The following ZNF157 variants were observed in gnomAD, a reference collection of about 807,000 sequenced individuals.
The protein encoded by ZNF157 is zinc finger protein 157.
Under a neutral mutation model 9.4 loss-of-function variants are expected in ZNF157, and 8 were observed. That is an observed-to-expected ratio of 0.85 (90% confidence interval 0.50 to 1.53). The LOEUF (loss-of-function observed/expected upper bound fraction) is 1.53. Among genes scored for constraint, ZNF157 ranks in the 40% most tolerant of loss-of-function variants. ZNF157 has a pLI of 0.00. For missense variants in ZNF157, 316 were observed against 385.2 expected (o/e 0.82, Z 1.50); for synonymous variants, 120 against 130.8 (o/e 0.92, Z 0.56).
chrX:47,391,020 C>T (rs956577339), intron 1 of ZNF157: 6 of 111,980 alleles, frequency 5.4e-5, no homozygotes, highest in African/African-American at 1.9e-4. Context: ...TGTTCTTCCA[C>T]TTACCTTTTC....
chrX:47,378,860 A>G lies in ZNF157; in HGVS notation c.72+8120A>G, dbSNP rs1428541815. On this transcript the variant is annotated intron_variant, in intron 1 of 3. Coordinates refer to ENST00000377073, the MANE Select transcript of ZNF157 (RefSeq NM_003446.4). ...CAAAAAAAAAACTAAGTTCCTCTCAAAGTTAGTTTGGTCTGTGCCCAGGAA... is the reference window on the plus strand; with the variant it reads ...CAAAAAAAAAACTAAGTTCCTCTCAGAGTTAGTTTGGTCTGTGCCCAGGAA... 2.7e-5 allele frequency among the ~76,000 whole-genome samples: 3 copies of G among 111,102 alleles called. No individual in the cohort carries two copies. The Admixed American group carries it at 2.9e-4, about 11-fold the overall frequency.
chrX:47,371,362 G>A (rs745322303), intron 1 of ZNF157, among the ~76,000 whole-genome samples: 1 of 108,846 alleles, frequency 9.2e-6, no homozygotes, highest in African/African-American at 3.3e-5. Context: ...TTTATTTGCC[G>A]GGCATGGCAG....
intron 1 of ZNF157, among the ~76,000 whole-genome samples, chrX:47,380,973 G>GGAGGAGGAGGAGAAA (rs1218618637): frequency 1.1e-4 from 11 of 99,999 alleles, no homozygotes; most frequent in Non-Finnish European, 1.4e-4. Context: ...AGGAGGAGCA[G>GGAGGAGGAGGAGAAA]GAGGAGGAGG....
chrX:47,370,895 T>C (rs1602755697), intron 1 of ZNF157, among the ~76,000 whole-genome samples, 155 bp downstream of exon 1: 1 of 111,720 alleles, frequency 9.0e-6, no homozygotes, highest in Admixed American at 9.6e-5. Flanking sequence ...ACCCAGGATA[T>C]TGACATGCAG....
At chrX:47,392,382 C>G (rs1347196959) in intron 1 of ZNF157, 1 of 112,397 alleles carries the variant, frequency 8.9e-6, no homozygotes, top group Non-Finnish European at 1.9e-5. Context: ...CATCATTCCC[C>G]TCTCCTCTTC....
chrX:47,395,918 A>G (rs1337671852), intron 1 of ZNF157, among the ~76,000 whole-genome samples: 1 of 111,765 alleles, frequency 8.9e-6, no homozygotes. Flanking sequence ...GTGAGCTGTG[A>G]TTGAGCCACT....
intron 1 of ZNF157, among the ~76,000 whole-genome samples, chrX:47,374,858 G>A (rs1364874890): frequency 1.0e-5 from 1 of 98,251 alleles, no homozygotes; most frequent in Non-Finnish European, 2.0e-5. Context: ...ACAGGCACCC[G>A]CCACCATGCC....
At chrX:47,380,094 T>G (rs180844123) in intron 1 of ZNF157, among the ~76,000 whole-genome samples, 1 of 110,622 alleles carries the variant, frequency 9.0e-6, no homozygotes, top group Non-Finnish European at 1.9e-5. Flanking sequence ...GGGATTATGT[T>G]GAATCTCCTG....
At chrX:47,391,341 T>G (rs2055896496) in intron 1 of ZNF157, 1 of 112,123 alleles carries the variant, frequency 8.9e-6, no homozygotes, top group African/African-American at 3.2e-5. Flanking sequence ...CATCTTTTGG[T>G]TTACTCTCTT....
At chrX:47,394,738 A>G (rs1362580543) in intron 1 of ZNF157, among the ~76,000 whole-genome samples, 1 of 111,835 alleles carries the variant, frequency 8.9e-6, no homozygotes, top group Non-Finnish European at 1.9e-5. Flanking sequence ...TGATGTTTGT[A>G]TTCTGTAAGA....
At chrX:47,396,533 C>A (rs1277173256) in intron 1 of ZNF157, among the ~76,000 whole-genome samples, 1 of 110,130 alleles carries the variant, frequency 9.1e-6, no homozygotes, top group East Asian at 2.8e-4. Flanking sequence ...GAGCGAAACT[C>A]CGTCTCAAAA....
At chrX:47,384,738 G>C (rs956617276) in intron 1 of ZNF157, among the ~76,000 whole-genome samples, 1 of 112,485 alleles carries the variant, frequency 8.9e-6, no homozygotes, top group South Asian at 3.6e-4. Context: ...CTTTGGACTA[G>C]AGAATTTCCA....
chrX:47,384,114 T>TAA (rs57138656), intron 1 of ZNF157, among the ~76,000 whole-genome samples: 6 of 99,893 alleles, frequency 6.0e-5, no homozygotes, highest in African/African-American at 1.8e-4. Context: ...TACTGAAAAT[T>TAA]AAAAAAAAAA....
At chrX:47,376,826 T>C (rs1444924276) in intron 1 of ZNF157, among the ~76,000 whole-genome samples, 1 of 111,517 alleles carries the variant, frequency 9.0e-6, no homozygotes, top group African/African-American at 3.3e-5. Flanking sequence ...TTCCCGAGCA[T>C]AGGCTGAACT....
At chrX:47,386,877 G>C (rs1390271829) in intron 1 of ZNF157, among the ~76,000 whole-genome samples, 1 of 112,092 alleles carries the variant, frequency 8.9e-6, no homozygotes, top group Non-Finnish European at 1.9e-5. Flanking sequence ...AGAAAAAAAA[G>C]AAGAAAATAT....
At chrX:47,374,962 G>A (rs893726255) in intron 1 of ZNF157, among the ~76,000 whole-genome samples, 8 of 96,493 alleles carry the variant, frequency 8.3e-5, no homozygotes, top group Non-Finnish European at 1.4e-4. Flanking sequence ...CAAAGTTCTG[G>A]GATTACAGGC....
chrX:47,395,703 G>A (rs1454987968), intron 1 of ZNF157, among the ~76,000 whole-genome samples: 3 of 112,048 alleles, frequency 2.7e-5, no homozygotes, highest in Admixed American at 9.6e-5. Context: ...GGTGGCTCAC[G>A]CCTGTAATCC....
At chrX:47,393,637 T>C (rs1256034923) in intron 1 of ZNF157, among the ~76,000 whole-genome samples, 1 of 110,484 alleles carries the variant, frequency 9.1e-6, no homozygotes, top group Non-Finnish European at 1.9e-5. Context: ...CACCGTTCAC[T>C]GCAGCCTTAA....
chrX:47,400,107 G>A (rs775351173), intron 1 of ZNF157, among the ~76,000 whole-genome samples: 9 of 105,640 alleles, frequency 8.5e-5, no homozygotes, highest in Non-Finnish European at 1.5e-4. Flanking sequence ...AGTGATTCTC[G>A]TGCCTCAGCC....
Sources: gnomAD v4.1 joint callset for allele counts (sites outside exome capture counted in the v4.1 genomes callset) on GRCh38, gnomAD v4.1.1 for gene constraint, MANE v1.5 for transcripts, NCBI Gene and HGNC (gene_info 2026-07-23, HGNC 2026-07-21) for gene names.